COLEC10: variants seen among roughly 807,000 people sequenced by gnomAD.
The protein encoded by COLEC10 is collectin subfamily member 10, also known as collectin-10.
Under a neutral mutation model 28.4 loss-of-function variants are expected in COLEC10, and 22 were observed. The ratio of observed to expected loss-of-function variants is 0.78; its 90% CI spans 0.55 to 1.11. The LOEUF (loss-of-function observed/expected upper bound fraction) is 1.11, where lower values mean the gene tolerates loss of function less well. Ranked by LOEUF, COLEC10 falls within the 50% of genes least tolerant of loss-of-function variation. COLEC10 has a pLI of 0.00. For missense variants in COLEC10, 361 were observed against 344.1 expected (o/e 1.05, Z -0.39); for synonymous variants, 125 against 116.1 (o/e 1.08, Z -0.49).
chr8:119,103,860 C>T lies in COLEC10; in HGVS notation c.407C>T (p.Ala136Val), dbSNP rs1007358578. Residue 136 changes from alanine (A) to valine (V), a missense_variant, in exon 5 of 6, where the codon GCT becomes GTT. Around this residue, in one of 3 missense-constraint regions of COLEC10, gnomAD observed 335 missense variants for 308.5 expected, o/e 1.09. Coordinates refer to ENST00000332843, the MANE Select transcript of COLEC10 (RefSeq NM_006438.5). ...GTTGGACAACTGGATATTAGTATTGCTCGGCTCAAGACATCTATGAAGTTT... is the reference window on the plus strand; with the variant it reads ...GTTGGACAACTGGATATTAGTATTGTTCGGCTCAAGACATCTATGAAGTTT... ...KFVGQLDISI[A>V]RLKTSMKFVK... is the part of the protein sequence containing the mutation. 5.0e-6 allele frequency: 8 copies of T among 1,612,420 alleles called. No individual in the cohort carries two copies. Among genetic ancestry groups the T allele is most frequent in the South Asian group, 1.1e-5 (1 of 91,050 alleles).
At chr8:119,032,017 G>C (rs79004640) in intron 2 of COLEC10, among the ~76,000 whole-genome samples, 6 of 152,264 alleles carry the variant, frequency 3.9e-5, no homozygotes, top group Middle Eastern at 6.8e-3. Context: ...GTAAATACCA[G>C]TATTCTCCCC....
intron 2 of COLEC10, among the ~76,000 whole-genome samples, chr8:119,033,942 G>A (rs538799146): frequency 6.6e-6 from 1 of 152,120 alleles, no homozygotes; most frequent in East Asian, 1.9e-4. Flanking sequence ...ACATGCACAT[G>A]TATGTTTATT....
the COLEC10 span, among the ~76,000 whole-genome samples, chr8:118,973,386 T>G: frequency 4.6e-5 from 7 of 151,870 alleles, no homozygotes; most frequent in Non-Finnish European, 1.0e-4. Context: ...AAGGCATGAC[T>G]GGGGAAAGAT....
chr8:119,071,660 T>C (rs1215204126), intron 1 of COLEC10, among the ~76,000 whole-genome samples: 2 of 152,164 alleles, frequency 1.3e-5, no homozygotes, highest in African/African-American at 2.4e-5. Flanking sequence ...ATCTTGTGTA[T>C]TGATGCATGT....
chr8:119,102,989 T>C (rs575478804), intron 4 of COLEC10, among the ~76,000 whole-genome samples: 1 of 152,292 alleles, frequency 6.6e-6, no homozygotes, highest in African/African-American at 2.4e-5. Flanking sequence ...CATATGAATA[T>C]GGATACATAA....
chr8:119,054,770 A>G (rs890241478), intron 2 of COLEC10, among the ~76,000 whole-genome samples: 3 of 152,090 alleles, frequency 2.0e-5, no homozygotes, highest in African/African-American at 7.2e-5. Flanking sequence ...TCAATGTTGT[A>G]TAAATTGTGA....
chr8:119,093,241 T>G (rs1014284445), intron 3 of COLEC10, among the ~76,000 whole-genome samples: 1 of 152,228 alleles, frequency 6.6e-6, no homozygotes, highest in Non-Finnish European at 1.5e-5. Flanking sequence ...GGTCTGAGCT[T>G]AGGCTGTGGC....
At chr8:119,056,147 C>A (rs1000898713) in intron 2 of COLEC10, among the ~76,000 whole-genome samples, 1 of 152,054 alleles carries the variant, frequency 6.6e-6, no homozygotes, top group Non-Finnish European at 1.5e-5. Context: ...CTTGTCACTT[C>A]CACTTGTGTT....
chr8:118,955,963 A>G, the COLEC10 span, among the ~76,000 whole-genome samples: 12 of 152,234 alleles, frequency 7.9e-5, no homozygotes, highest in Non-Finnish European at 1.6e-4. Flanking sequence ...TATTACAACA[A>G]ACTATCATAA....
At chr8:118,956,032 T>A in the COLEC10 span, among the ~76,000 whole-genome samples, 1 of 152,154 alleles carries the variant, frequency 6.6e-6, no homozygotes, top group Non-Finnish European at 1.5e-5. Flanking sequence ...AGGCTAGAAG[T>A]TGGAGGTCCA....
chr8:119,081,880 G>A (rs937932166), intron 1 of COLEC10, among the ~76,000 whole-genome samples: 1 of 152,176 alleles, frequency 6.6e-6, no homozygotes, highest in Non-Finnish European at 1.5e-5. Flanking sequence ...TTGCAAGATA[G>A]TTGGGAAAAG....
chr8:119,045,107 GA>G (rs1303726923), intron 2 of COLEC10, among the ~76,000 whole-genome samples: 1 of 152,148 alleles, frequency 6.6e-6, no homozygotes, highest in Non-Finnish European at 1.5e-5. Flanking sequence ...AATTCTTGAT[GA>G]TACAAGTATT....
intron 2 of COLEC10, among the ~76,000 whole-genome samples, chr8:119,046,283 A>G (rs1814587250): frequency 6.6e-6 from 1 of 152,128 alleles, no homozygotes; most frequent in South Asian, 2.1e-4. Flanking sequence ...ATTTCAAATA[A>G]TGTCTGATGT....
At chr8:119,081,999 G>A (rs2130258356) in intron 1 of COLEC10, among the ~76,000 whole-genome samples, 1 of 152,260 alleles carries the variant, frequency 6.6e-6, no homozygotes, top group Non-Finnish European at 1.5e-5. Context: ...CACCTGTAAG[G>A]AATATGGTTA....
At chr8:118,987,973 C>T in the COLEC10 span, among the ~76,000 whole-genome samples, 11 of 152,234 alleles carry the variant, frequency 7.2e-5, no homozygotes, top group Middle Eastern at 3.4e-3. Flanking sequence ...TAAAAATCAA[C>T]GCATGTTTGG....
At chr8:119,004,742 G>C (rs1279204179) in intron 1 of COLEC10, among the ~76,000 whole-genome samples, 1 of 151,554 alleles carries the variant, frequency 6.6e-6, no homozygotes, top group Non-Finnish European at 1.5e-5. Context: ...ACTTGTAGTA[G>C]GTCACCCAAT....
chr8:119,044,124 C>T (rs1814544754), intron 2 of COLEC10, among the ~76,000 whole-genome samples: 1 of 152,198 alleles, frequency 6.6e-6, no homozygotes, highest in Non-Finnish European at 1.5e-5. Flanking sequence ...CAGGTTTACA[C>T]CTGTTGTGCT....
At chr8:119,086,404 T>G (rs1025641076) in intron 1 of COLEC10, among the ~76,000 whole-genome samples, 7 of 151,746 alleles carry the variant, frequency 4.6e-5, no homozygotes, top group African/African-American at 1.7e-4. Flanking sequence ...GGGGTCCCTA[T>G]CCAAAGCTTG....
chr8:119,102,631 G>C (rs1815860431), intron 4 of COLEC10: 1 of 429,866 alleles, frequency 2.3e-6, no homozygotes, highest in Non-Finnish European at 4.1e-6. Flanking sequence ...TGCTTACTAT[G>C]AGAAGAAAGC....
Sources: gnomAD v4.1 joint callset for allele counts (sites outside exome capture counted in the v4.1 genomes callset) on GRCh38, gnomAD v4.1.1 for gene constraint, gnomAD v4.1.1 regional missense constraint, MANE v1.5 for transcripts, NCBI Gene and HGNC (gene_info 2026-07-23, HGNC 2026-07-21) for gene names.